RADX: variants seen among roughly 807,000 people sequenced by gnomAD.
RADX encodes the protein RPA1 related single stranded DNA binding protein, X-linked.
Under a neutral mutation model 61.6 loss-of-function variants are expected in RADX, and 36 were observed. The ratio of observed to expected loss-of-function variants is 0.58; its 90% CI spans 0.45 to 0.77. The LOEUF is 0.77. Ranked by LOEUF, RADX falls within the 30% of genes least tolerant of loss-of-function variation. The probability of loss-of-function intolerance (pLI) is 0.00; values close to 1 mark genes in which losing one functional copy is unlikely to be tolerated. For missense variants in RADX, 497 were observed against 651.1 expected (o/e 0.76, Z 2.58); for synonymous variants, 272 against 237.9 (o/e 1.14, Z -1.32).
Position 106,662,241 on chromosome X carries a change from GC to G in RADX, c.2210del (p.Pro737GlnfsTer17). ...PAKYVPPEGR[P>X]PKLDDFKSAR... ...CGAAATATGTACCACCAGAAGGAAGGCCCCCAAAACTTGATGATTTTAAGAG... is the reference window on the plus strand; with the variant it reads ...CGAAATATGTACCACCAGAAGGAAGGCCCCAAAACTTGATGATTTTAAGAG... On this transcript the variant is annotated frameshift_variant, in exon 12 of 14. Transcript: ENST00000372548. LOFTEE classifies it high-confidence loss of function. 2 of 1,210,638 alleles carry G rather than the reference GC, an allele frequency of 1.7e-6. No homozygotes were observed. Among genetic ancestry groups the G allele is most frequent in the Non-Finnish European group, 2.2e-6 (2 of 894,893 alleles).
In RADX at chrX:106,667,986, G is replaced by A. The variant is rs147157501; in HGVS notation, c.2270-1177G>A. On this transcript the variant is annotated intron_variant, in intron 12 of 13. Coordinates refer to ENST00000372548, the MANE Select transcript of RADX (RefSeq NM_018015.6). ...TTGCAGCATTGCTAGGAGTTGTGACGTGGCTATGCTTCTTATAATACTGAA... is the reference window on the plus strand; with the variant it reads ...TTGCAGCATTGCTAGGAGTTGTGACATGGCTATGCTTCTTATAATACTGAA... Among the ~76,000 whole-genome samples the A allele has an allele frequency of 8.5e-3, 950 of 111,813 alleles. 7 individuals are homozygous for A. The highest frequency in any genetic ancestry group is 0.028 in the Middle Eastern group (6 of 218).
intron 11 of RADX, among the ~76,000 whole-genome samples, chrX:106,655,978 G>A: frequency 8.9e-6 from 1 of 112,156 alleles, no homozygotes; most frequent in Non-Finnish European, 1.9e-5. Flanking sequence ...TTTCCTTTCA[G>A]GAAAGATTTC....
intron 11 of RADX, among the ~76,000 whole-genome samples, chrX:106,649,954 T>G (rs1927754941): frequency 9.0e-6 from 1 of 110,734 alleles, no homozygotes; most frequent in African/African-American, 3.3e-5. Flanking sequence ...TACTAGTGAG[T>G]AGGAACCAAA....
At chrX:106,626,958 C>T (rs1056438172) in intron 3 of RADX, among the ~76,000 whole-genome samples, 1 of 112,048 alleles carries the variant, frequency 8.9e-6, no homozygotes, top group African/African-American at 3.2e-5. Flanking sequence ...GTCTCTGTTT[C>T]AGCTTCTCAG....
intron 13 of RADX, among the ~76,000 whole-genome samples, chrX:106,674,658 G>A (rs1928458266): frequency 1.8e-5 from 2 of 111,987 alleles, no homozygotes; most frequent in African/African-American, 6.5e-5. Context: ...TGATTTGGGT[G>A]ATGTTGATAT....
At position 106,622,769 on chromosome X, in the gene RADX, T is replaced by C. The variant is rs1926983754; in HGVS notation, c.762T>C (p.Asp254=). The C allele has an allele frequency of 4.2e-6, 5 of 1,178,608 alleles. No homozygotes were observed. Among genetic ancestry groups the C allele is most frequent in the African/African-American group, 1.8e-5 (1 of 56,297 alleles). Residue 254 remains aspartate, a synonymous_variant, in exon 2 of 14, where the codon GAT becomes GAC. Transcript: ENST00000372548. ...AACTGCGATACTATGGAAAACCTGA[T>C]AAAAAGATGATTGAACCATATCAGG... is the stretch of plus-strand genomic sequence containing the variant. ...KSKLRYYGKP[D]KKMIEPYQTF...
intron 12 of RADX, among the ~76,000 whole-genome samples, chrX:106,662,579 C>G (rs6622103): frequency 9.1e-6 from 1 of 110,005 alleles, no homozygotes; most frequent in African/African-American, 3.3e-5. Flanking sequence ...CAGTCAGCTT[C>G]TAAGGCAGCT....
chrX:106,637,695 C>A, intron 7 of RADX, 65 bp from the exon 8 acceptor site: 1 of 959,602 alleles, frequency 1.0e-6, no homozygotes, highest in Non-Finnish European at 1.4e-6. Context: ...CAAAAATTTG[C>A]ATACAGATTG....
rs1400341962 is a variant in RADX at position 106,637,713 on chromosome X, G to A, written c.1409-47G>A. On this transcript the variant is annotated intron_variant, in intron 7 of 13. Transcript: ENST00000372548. ...AAATTTGCATACAGATTGTTACAGT[G>A]ACATTTTTATTTCTCATTTTTTATG... 4.7e-6 allele frequency: 5 copies of A among 1,060,875 alleles called. No individual in the cohort carries two copies. The African/African-American group carries it at 9.5e-5, about 20-fold the overall frequency. 87.4% of individuals were successfully genotyped at this position (1,060,875 alleles called of 1,213,427 possible). A position where few individuals can be genotyped will look rare whatever the true frequency, so the allele number is the denominator to read the frequency against.
chrX:106,651,623 AAATACTATTT>A (rs2147631338), intron 11 of RADX, among the ~76,000 whole-genome samples: 1 of 111,809 alleles, frequency 8.9e-6, no homozygotes, highest in Non-Finnish European at 1.9e-5. Context: ...AGTAGAATGA[AAATACTATTT>A]AAGGTGAAAT....
intron 3 of RADX, among the ~76,000 whole-genome samples, chrX:106,628,843 C>T (rs775219590): frequency 1.8e-5 from 2 of 110,440 alleles, no homozygotes; most frequent in Non-Finnish European, 3.8e-5. Flanking sequence ...CCATATTGGC[C>T]GGACTGGTCT....
At chrX:106,648,449 A>G in intron 11 of RADX, 63 bp downstream of exon 11, 1 of 764,119 alleles carries the variant, frequency 1.3e-6, no homozygotes, top group Non-Finnish European at 2.0e-6. Flanking sequence ...TATGAAGATT[A>G]CTATTTAATT....
intron 11 of RADX, among the ~76,000 whole-genome samples, chrX:106,653,765 T>C (rs936468901): frequency 2.4e-4 from 27 of 110,692 alleles, no homozygotes; most frequent in African/African-American, 8.2e-4. Context: ...CAACTCCCAC[T>C]TGTTAGTGAG....
chrX:106,679,377 C>T lies in RADX; in HGVS notation c.*1119C>T, dbSNP rs1286135041. ...CTTTATAATTGTGTGTAAATGTTAA[C>T]TAAACAGTGGATTCCTCTCGTGTTA... On this transcript the variant is annotated 3_prime_UTR_variant, in exon 14 of 14. Coordinates refer to ENST00000372548, the MANE Select transcript of RADX (RefSeq NM_018015.6). 3.6e-5 allele frequency: 4 copies of T among 111,908 alleles called. No homozygotes were observed. The highest frequency in any genetic ancestry group is 1.3e-4 in the African/African-American group (4 of 30,789). The allele number at this position is 111,908 out of a possible 1,213,427, so 9.2% of individuals were successfully genotyped here. A position where few individuals can be genotyped will look rare whatever the true frequency, so the allele number is the denominator to read the frequency against.
chrX:106,639,141 A>C (rs888168172), intron 8 of RADX, among the ~76,000 whole-genome samples: 1 of 112,002 alleles, frequency 8.9e-6, no homozygotes, highest in Non-Finnish European at 1.9e-5. Context: ...ATGCGGACCT[A>C]TCATCATCTA....
rs758904600 is a variant in RADX, at chrX:106,636,665, GTA to G, written c.1408+22_1408+23del. The G allele has an allele frequency of 4.4e-6, 4 of 918,107 alleles. No homozygotes were observed. In the East Asian group the frequency reaches 1.3e-4, roughly 29 times the overall value. 75.7% of individuals were successfully genotyped at this position (918,107 alleles called of 1,213,427 possible). On this transcript the variant is annotated intron_variant, in intron 7 of 13. Coordinates refer to ENST00000372548, the MANE Select transcript of RADX (RefSeq NM_018015.6). ...TATTACTGGTGAGTAATTTCTTTGT[GTA>G]TATTATTAGAAATATATTTTCTCTT...
chrX:106,620,571 G>T (rs1335419638), intron 1 of RADX, among the ~76,000 whole-genome samples: 2 of 110,379 alleles, frequency 1.8e-5, no homozygotes, highest in Admixed American at 9.7e-5. Flanking sequence ...CTACTCAGGA[G>T]GCTGAGGCAG....
rs759505014 is a variant in RADX at position 106,655,106 on chromosome X, T to C, written c.1978+6720T>C. Among the ~76,000 whole-genome samples the C allele has an allele frequency of 5.4e-5, 6 of 111,273 alleles. No homozygotes were observed. The Admixed American group carries it at 5.7e-4, about 11-fold the overall frequency. On this transcript the variant is annotated intron_variant, in intron 11 of 13. Transcript: ENST00000372548. ...CAAATCACACAAATTTTTAGGTTTTTCAGTACATATAAAAGTTATGTTTAC... is the reference window on the plus strand; with the variant it reads ...CAAATCACACAAATTTTTAGGTTTTCCAGTACATATAAAAGTTATGTTTAC...
intron 11 of RADX, among the ~76,000 whole-genome samples, chrX:106,658,964 ATTT>A (rs71937728): frequency 2.1e-5 from 2 of 96,117 alleles, no homozygotes. Context: ...ATCCCATTAC[ATTT>A]TTTTTTTTTT....
Sources: allele counts gnomAD v4.1 joint callset (sites outside exome capture counted in the v4.1 genomes callset), GRCh38; gene constraint gnomAD v4.1.1; transcripts MANE v1.5; gene names NCBI Gene and HGNC (gene_info 2026-07-23, HGNC 2026-07-21).